The following TMEM108 variants were observed in gnomAD, a reference collection of about 807,000 sequenced individuals.
TMEM108 encodes cancer/testis antigen 124.
TMEM108 carries 12 observed loss-of-function variants against 35.1 expected under a neutral mutation model. The observed-to-expected ratio is 0.34, with a 90% CI of 0.22 to 0.55. TMEM108 has a LOEUF of 0.55. Among genes scored for constraint, TMEM108 ranks in the 20% least tolerant of loss-of-function variants. TMEM108 has a pLI of 0.89. For synonymous variants in TMEM108, 287 were observed against 308.6 expected (o/e 0.93, Z 0.73); for missense variants, 680 against 753.3 (o/e 0.90, Z 1.14).
intron 3 of TMEM108, among the ~76,000 whole-genome samples, chr3:133,262,218 A>T (rs1020375107): frequency 6.6e-6 from 1 of 152,142 alleles, no homozygotes; most frequent in Non-Finnish European, 1.5e-5. Flanking sequence ...TCTCACTGGT[A>T]TTTTTTCAAA....
intron 3 of TMEM108, among the ~76,000 whole-genome samples, chr3:133,260,924 A>C (rs955775858): frequency 5.9e-5 from 9 of 152,188 alleles, no homozygotes; most frequent in Non-Finnish European, 1.2e-4. Flanking sequence ...ATAGAGTGAG[A>C]GAGGCAAGTT....
intron 4 of TMEM108, 100 bp from the exon 5 acceptor site, chr3:133,390,080 A>G: frequency 2.1e-6 from 3 of 1,439,146 alleles, no homozygotes; most frequent in Non-Finnish European, 2.9e-6. Context: ...CCCACCATAC[A>G]CTTACTCCAG....
At chr3:133,152,958 A>G (rs1944823230) in intron 2 of TMEM108, among the ~76,000 whole-genome samples, 2 of 152,086 alleles carry the variant, frequency 1.3e-5, no homozygotes, top group African/African-American at 2.4e-5. Context: ...CTTTGATTCA[A>G]TGTTTGGGCC....
chr3:133,135,157 G>GTTTTT (rs77437437), intron 2 of TMEM108, among the ~76,000 whole-genome samples: 3 of 142,684 alleles, frequency 2.1e-5, no homozygotes, highest in Non-Finnish European at 3.1e-5. Context: ...ATCTGCTATC[G>GTTTTT]TTTTTTTTTT....
chr3:133,295,928 C>A (rs4854579), intron 3 of TMEM108, among the ~76,000 whole-genome samples: 2 of 151,968 alleles, frequency 1.3e-5, no homozygotes, highest in Non-Finnish European at 2.9e-5. Flanking sequence ...TGCCAAAAAA[C>A]GGTAACAGGA....
At chr3:133,394,627 C>A (rs757654081) in intron 5 of TMEM108, among the ~76,000 whole-genome samples, 2 of 152,186 alleles carry the variant, frequency 1.3e-5, no homozygotes, top group South Asian at 2.1e-4. Flanking sequence ...ACAGTTAAAC[C>A]CAAAAGCATG....
intron 2 of TMEM108, among the ~76,000 whole-genome samples, chr3:133,065,143 G>A (rs1943580244): frequency 6.6e-6 from 1 of 152,180 alleles, no homozygotes; most frequent in African/African-American, 2.4e-5. Flanking sequence ...CTCGAACATA[G>A]AGCTATTCAA....
rs190282192 is a variant in TMEM108, at chr3:133,315,492, C to G, written c.41-64260C>G. Among the ~76,000 whole-genome samples the G allele has an allele frequency of 7.2e-3, 1,098 of 152,356 alleles. 16 individuals carry two copies. The highest frequency in any genetic ancestry group is 0.025 in the African/African-American group (1,049 of 41,582). ...ATGCTTGGCCCCTCACCCCAGCCCCCACACCCATGAGAGCTTGGGTCTGTG... is the reference window on the plus strand; with the variant it reads ...ATGCTTGGCCCCTCACCCCAGCCCCGACACCCATGAGAGCTTGGGTCTGTG... On this transcript the variant is annotated intron_variant, in intron 3 of 5. Coordinates refer to ENST00000321871, the MANE Select transcript of TMEM108 (RefSeq NM_023943.4).
intron 3 of TMEM108, among the ~76,000 whole-genome samples, chr3:133,334,253 A>G (rs940363311): frequency 6.6e-6 from 1 of 152,194 alleles, no homozygotes; most frequent in African/African-American, 2.4e-5. Flanking sequence ...TGATCACAAG[A>G]TAAGACAGTA....
intron 2 of TMEM108, among the ~76,000 whole-genome samples, chr3:133,111,224 T>G (rs1439909685): frequency 6.6e-6 from 1 of 152,156 alleles, no homozygotes; most frequent in Admixed American, 6.5e-5. Context: ...AACATTAATC[T>G]TGAAAAAACA....
chr3:133,347,460 G>A (rs893754969), intron 3 of TMEM108, among the ~76,000 whole-genome samples: 17 of 151,788 alleles, frequency 1.1e-4, no homozygotes, highest in Non-Finnish European at 2.5e-4. Flanking sequence ...GTTCATTGAT[G>A]GTATATAGAA....
chr3:133,042,227 T>C (rs1943284408), intron 1 of TMEM108, among the ~76,000 whole-genome samples: 1 of 152,214 alleles, frequency 6.6e-6, no homozygotes, highest in African/African-American at 2.4e-5. Flanking sequence ...TATAGGATGC[T>C]ACCTCTAGGT....
intron 3 of TMEM108, among the ~76,000 whole-genome samples, chr3:133,262,566 G>T (rs568696130): frequency 6.6e-6 from 1 of 152,198 alleles, no homozygotes; most frequent in Non-Finnish European, 1.5e-5. Context: ...CACTGCTTTG[G>T]GTTGCTGTGC....
intron 2 of TMEM108, among the ~76,000 whole-genome samples, chr3:133,217,639 T>C (rs1466782073): frequency 6.6e-6 from 1 of 152,092 alleles, no homozygotes; most frequent in Non-Finnish European, 1.5e-5. Context: ...TCATTATTTC[T>C]GCATGTTGAT....
At chr3:133,133,053 C>T (rs1944511739) in intron 2 of TMEM108, among the ~76,000 whole-genome samples, 2 of 152,182 alleles carry the variant, frequency 1.3e-5, no homozygotes, top group Non-Finnish European at 2.9e-5. Flanking sequence ...TATGGATGAG[C>T]AAAGAAAGTG....
At chr3:133,056,580 T>C (rs1334020441) in intron 2 of TMEM108, among the ~76,000 whole-genome samples, 1 of 152,192 alleles carries the variant, frequency 6.6e-6, no homozygotes, top group African/African-American at 2.4e-5. Context: ...GATGAAGTTA[T>C]TGAACATCAG....
At chr3:133,279,624 C>T (rs1365382700) in intron 3 of TMEM108, among the ~76,000 whole-genome samples, 1 of 152,216 alleles carries the variant, frequency 6.6e-6, no homozygotes, top group Non-Finnish European at 1.5e-5. Context: ...TCATTCCCAG[C>T]AGCCATGTAC....
At chr3:133,050,741 T>G (rs1234652281) in intron 2 of TMEM108, among the ~76,000 whole-genome samples, 3 of 151,928 alleles carry the variant, frequency 2.0e-5, no homozygotes, top group Admixed American at 6.6e-5. Context: ...TAGTTTTGCC[T>G]TCTCTAGAAT....
At chr3:133,051,326 A>G (rs2139806) in intron 2 of TMEM108, among the ~76,000 whole-genome samples, 60,929 of 151,840 alleles carry the variant, frequency 0.4, 12,795 homozygotes, top group Admixed American at 0.5. Flanking sequence ...CTTTGATGAG[A>G]TATCTGTTAA....
Sources: gnomAD v4.1 joint callset for allele counts (sites outside exome capture counted in the v4.1 genomes callset) on GRCh38, gnomAD v4.1.1 for gene constraint, MANE v1.5 for transcripts, NCBI Gene and HGNC (gene_info 2026-07-23, HGNC 2026-07-21) for gene names.